CELF2: variants seen among roughly 807,000 people sequenced by gnomAD.
CELF2 encodes the protein CUGBP Elav-like family member 2.
A neutral mutation model predicts 62.6 loss-of-function variants in CELF2; 8 were observed. That is an observed-to-expected ratio of 0.13 (90% CI 0.07 to 0.23). The LOEUF is 0.23. Among genes scored for constraint, CELF2 ranks in the 10% least tolerant of loss-of-function variants. The pLI is 1.00. For synonymous variants in CELF2, 258 were observed against 250.0 expected (o/e 1.03, Z -0.30); for missense variants, 333 against 671.0 (o/e 0.50, Z 5.56).
chr10:11,283,113 G>C (rs534100274), intron 8 of CELF2, among the ~76,000 whole-genome samples: 6 of 152,298 alleles, frequency 3.9e-5, no homozygotes, highest in Admixed American at 3.9e-4. Context: ...GACCATGAAA[G>C]CCTCATGGGT....
chr10:10,910,610 G>T (rs1372166184), intron 1 of CELF2, among the ~76,000 whole-genome samples: 1 of 141,658 alleles, frequency 7.1e-6, no homozygotes, highest in Non-Finnish European at 1.5e-5. Flanking sequence ...CGAGGCAAGA[G>T]AATCGCTTGA....
chr10:11,043,504 C>T (rs929455584), intron 1 of CELF2, among the ~76,000 whole-genome samples: 34 of 152,218 alleles, frequency 2.2e-4, no homozygotes, highest in Admixed American at 1.8e-3. Context: ...TTGAATATCC[C>T]GCTCCTGGCT....
the CELF2 span, among the ~76,000 whole-genome samples, chr10:10,636,278 C>G: frequency 1.3e-5 from 2 of 152,202 alleles, no homozygotes; most frequent in African/African-American, 4.8e-5. Flanking sequence ...TTTCAACCCA[C>G]AATAAATACC....
the CELF2 span, among the ~76,000 whole-genome samples, chr10:10,701,043 A>C: frequency 6.6e-6 from 1 of 152,218 alleles, no homozygotes; most frequent in African/African-American, 2.4e-5. Flanking sequence ...AATAAGTACG[A>C]ACAATAAAAC....
intron 1 of CELF2, among the ~76,000 whole-genome samples, chr10:10,882,434 G>A (rs187909044): frequency 8.5e-5 from 13 of 152,294 alleles, no homozygotes; most frequent in Admixed American, 8.5e-4. Flanking sequence ...AAGGGAAGGT[G>A]TTCTGTTGTC....
Position 11,285,879 on chromosome 10 carries a change from T to TGTGTGTG in CELF2, c.842-2539_842-2538insGTGTGTG, listed in dbSNP as rs1385996500. Among the ~76,000 whole-genome samples, 900 of 108,040 alleles carry TGTGTGTG rather than the reference T, an allele frequency of 8.3e-3. 18 individuals are homozygous for TGTGTGTG. The highest frequency in any genetic ancestry group is 0.023 in the East Asian group (90 of 3,970). The allele number at this position is 108,040 out of a possible 152,430, so 70.9% of individuals were successfully genotyped here. A position where few individuals can be genotyped will look rare whatever the true frequency, so the allele number is the denominator to read the frequency against. ...TGTGTGTGTGTGTGTGTGTGTGTGTTTTTACATGGACTTGAAAATGAGTAA... is the reference window on the plus strand; with the variant it reads ...TGTGTGTGTGTGTGTGTGTGTGTGTTGTGTGTGTTTACATGGACTTGAAAATGAGTAA... On this transcript the variant is annotated intron_variant, in intron 8 of 12. Transcript: ENST00000633077. This position sits in a 1 kb window ranked among gnomAD's most constrained non-coding sequence, Gnocchi z 4.3.
At chr10:11,175,726 T>G (rs992711022) in intron 2 of CELF2, among the ~76,000 whole-genome samples, 1 of 152,146 alleles carries the variant, frequency 6.6e-6, no homozygotes, top group South Asian at 2.1e-4. Flanking sequence ...CGTTTTAATG[T>G]TGAACTGAAT....
chr10:11,315,798 A>C lies in CELF2; in HGVS notation c.1096+1540A>C, dbSNP rs78522942. Reference sequence around the variant, plus strand: ...CTGCCTTGACCCCCATTTCCGGTACAGCTCCTCGCTCTGACCTTGTCCTTC... The same window carrying C: ...CTGCCTTGACCCCCATTTCCGGTACCGCTCCTCGCTCTGACCTTGTCCTTC... On this transcript the variant is annotated intron_variant, in intron 10 of 12. Transcript: ENST00000633077. The surrounding 1 kb of genome is among the most constrained non-coding windows in gnomAD (Gnocchi z 5.8). 2.5e-3 allele frequency among the ~76,000 whole-genome samples: 381 copies of C among 152,294 alleles called. 4 individuals carry two copies. Among genetic ancestry groups the C allele is most frequent in the African/African-American group, 8.9e-3 (372 of 41,574 alleles).
chr10:11,170,513 C>G (rs2068528226), intron 2 of CELF2, among the ~76,000 whole-genome samples: 1 of 152,006 alleles, frequency 6.6e-6, no homozygotes, highest in Non-Finnish European at 1.5e-5. Context: ...CTGTTTATCC[C>G]TGAGTGAGGA....
At chr10:10,966,152 A>G (rs929764013) in intron 2 of CELF2, among the ~76,000 whole-genome samples, 8 of 152,174 alleles carry the variant, frequency 5.3e-5, no homozygotes, top group Non-Finnish European at 7.3e-5. Context: ...CTTACATTTG[A>G]GTTTCCTTTG....
intron 1 of CELF2, among the ~76,000 whole-genome samples, chr10:11,103,926 G>C (rs1199914838): frequency 1.3e-5 from 2 of 152,116 alleles, no homozygotes; most frequent in Non-Finnish European, 2.9e-5. Flanking sequence ...AGAATTTACT[G>C]ACTCCTAAAT....
chr10:10,687,343 G>A, the CELF2 span, among the ~76,000 whole-genome samples: 6 of 152,154 alleles, frequency 3.9e-5, no homozygotes, highest in African/African-American at 1.4e-4. Flanking sequence ...TATTTCCTAT[G>A]CATTTTCTCT....
At chr10:11,239,021 G>A (rs1490999992) in intron 3 of CELF2, among the ~76,000 whole-genome samples, 1 of 152,116 alleles carries the variant, frequency 6.6e-6, no homozygotes, top group Non-Finnish European at 1.5e-5. Context: ...AGGTAACATA[G>A]GCTGAGGAAC....
At chr10:10,849,082 T>C (rs2059205763) in intron 1 of CELF2, among the ~76,000 whole-genome samples, 1 of 152,142 alleles carries the variant, frequency 6.6e-6, no homozygotes, top group African/African-American at 2.4e-5. Flanking sequence ...ATTTTTTTAA[T>C]TATTTCAAAC....
the CELF2 span, among the ~76,000 whole-genome samples, chr10:10,736,688 AT>A: frequency 1.3e-5 from 2 of 152,042 alleles, no homozygotes; most frequent in African/African-American, 4.8e-5. Flanking sequence ...AAGAAAAAAA[AT>A]GTCAGAGCTA....
At chr10:10,855,242 C>T (rs990450423) in intron 1 of CELF2, among the ~76,000 whole-genome samples, 2 of 152,184 alleles carry the variant, frequency 1.3e-5, no homozygotes, top group Admixed American at 1.3e-4. Context: ...CCTGCCATCA[C>T]TCCCTCCAGT....
chr10:11,204,854 T>G (rs1352883765), intron 2 of CELF2, among the ~76,000 whole-genome samples: 1 of 152,210 alleles, frequency 6.6e-6, no homozygotes, highest in African/African-American at 2.4e-5. Flanking sequence ...ACTGCTTTTG[T>G]TTTTTCTTCC....
chr10:11,226,737 C>T (rs1199306841), intron 3 of CELF2, among the ~76,000 whole-genome samples: 4 of 152,180 alleles, frequency 2.6e-5, no homozygotes, highest in African/African-American at 7.2e-5. Context: ...TCCTGAAAAA[C>T]ATTCAGCGAG....
At chr10:10,832,084 G>A (rs6602458) in intron 1 of CELF2, among the ~76,000 whole-genome samples, 81,492 of 151,122 alleles carry the variant, frequency 0.54, 22,528 homozygotes, top group East Asian at 0.76. Context: ...CCTGGCCAAC[G>A]TGGTAAAACC....
Sources: gnomAD v4.1 joint callset for allele counts (sites outside exome capture counted in the v4.1 genomes callset) on GRCh38, gnomAD v4.1.1 for gene constraint, Gnocchi (gnomAD v3.1) non-coding constraint, MANE v1.5 for transcripts, NCBI Gene and HGNC (gene_info 2026-07-23, HGNC 2026-07-21) for gene names.